The following NCOA3 variants were observed in gnomAD, a reference collection of about 807,000 sequenced individuals.
The protein encoded by NCOA3 is nuclear receptor coactivator 3.
In NCOA3, 51 loss-of-function variants were observed where a neutral mutation model predicts 158.8. The ratio of observed to expected loss-of-function variants is 0.32; its 90% CI spans 0.26 to 0.41. The LOEUF (loss-of-function observed/expected upper bound fraction) is 0.41. Ranked by LOEUF, NCOA3 falls within the 10% of genes least tolerant of loss-of-function variation. NCOA3 has a pLI of 1.00. For missense variants in NCOA3, 1,510 were observed against 1,746.6 expected (o/e 0.86, Z 2.41); for synonymous variants, 537 against 592.4 (o/e 0.91, Z 1.36).
intron 1 of NCOA3, among the ~76,000 whole-genome samples, chr20:47,523,618 C>T (rs1201438478): frequency 6.6e-6 from 1 of 152,128 alleles, no homozygotes; most frequent in Non-Finnish European, 1.5e-5. Context: ...TTTCCCTGAG[C>T]CTGTCAATAA....
intron 1 of NCOA3, among the ~76,000 whole-genome samples, chr20:47,547,327 A>T (rs542924952): frequency 6.8e-6 from 1 of 148,048 alleles, no homozygotes; most frequent in African/African-American, 2.5e-5. Flanking sequence ...GGGTCACAGC[A>T]TATCGTTTCT....
intron 1 of NCOA3, among the ~76,000 whole-genome samples, chr20:47,560,614 C>T (rs1423146462): frequency 6.6e-6 from 1 of 152,072 alleles, no homozygotes; most frequent in Non-Finnish European, 1.5e-5. Flanking sequence ...CGTAGTATCT[C>T]ATTGTTTTAA....
intron 2 of NCOA3, among the ~76,000 whole-genome samples, chr20:47,589,173 A>G (rs1311370965): frequency 6.6e-6 from 1 of 152,130 alleles, no homozygotes; most frequent in Non-Finnish European, 1.5e-5. Flanking sequence ...GGAGTAAGCT[A>G]CAGGTGTAAG....
In NCOA3 at chr20:47,649,030, T is replaced by C; in HGVS notation, c.3572T>C (p.Leu1191Pro). The change falls in exon 19 of 23, where the codon CTT (leucine) becomes CCT (proline). Residue 1191 changes from leucine to proline, a missense_variant. By Grantham distance (98) the Leu-to-Pro change is moderately conservative (BLOSUM62 -3). Coordinates refer to ENST00000371998, the MANE Select transcript of NCOA3 (RefSeq NM_181659.3). ...QQFLNQSRQA[L>P]ELKMENPTAG... ...TTTTTGAATCAGAGCCGACAGGCAC[T>C]TGAATTGAAAATGGAAAACCCTACT... is the stretch of plus-strand genomic sequence containing the variant. The C allele has an allele frequency of 1.9e-6, 3 of 1,613,928 alleles. No individual in the cohort carries two copies.
chr20:47,645,388 C>A (rs1261849376), intron 17 of NCOA3, among the ~76,000 whole-genome samples: 1 of 152,098 alleles, frequency 6.6e-6, no homozygotes, highest in East Asian at 1.9e-4. Flanking sequence ...ACTGGAGTCT[C>A]AATAGATCTG....
intron 17 of NCOA3, among the ~76,000 whole-genome samples, chr20:47,642,816 C>T (rs2086632110): frequency 6.6e-6 from 1 of 152,156 alleles, no homozygotes; most frequent in African/African-American, 2.4e-5. Context: ...AGCTGAACAT[C>T]CTAACATCAT....
intron 1 of NCOA3, among the ~76,000 whole-genome samples, chr20:47,515,473 TTTTTTTTTTTTTTTTTTC>T (rs1360106204): frequency 1.8e-5 from 2 of 111,824 alleles, no homozygotes; most frequent in Non-Finnish European, 3.9e-5. Flanking sequence ...TCTTTCTTTC[TTTTTTTTTTTTTTTTTTC>T]TTTTTTTTAA....
At chr20:47,647,674 G>T (rs939348492) in intron 18 of NCOA3, among the ~76,000 whole-genome samples, 2 of 151,952 alleles carry the variant, frequency 1.3e-5, no homozygotes, top group East Asian at 3.9e-4. Context: ...AATCCTTACT[G>T]CTAATAACCA....
chr20:47,636,640 T>G lies in NCOA3; in HGVS notation c.2254T>G (p.Ser752Ala). Residue 752 changes from serine (S) to alanine (A), a missense_variant, in exon 12 of 23, where the codon TCT (serine) becomes GCT (alanine). Ser to Ala is a moderately conservative substitution (Grantham distance 99, BLOSUM62 1). Coordinates refer to ENST00000371998, the MANE Select transcript of NCOA3 (RefSeq NM_181659.3). ...LDRDDPSDALSKELQPQVEGV... is the reference protein window; with the variant it reads ...LDRDDPSDALAKELQPQVEGV... ...CAGGGATGATCCTAGTGATGCACTC[T>G]CTAAAGAACTACAGCCCCAAGTGGA... is the stretch of plus-strand genomic sequence containing the variant. The G allele has an allele frequency of 6.2e-7, 1 of 1,614,194 alleles. No homozygotes were observed. Among genetic ancestry groups the G allele is most frequent in the Non-Finnish European group, 8.5e-7 (1 of 1,180,038 alleles).
chr20:47,619,419 C>T (rs1017810867), intron 2 of NCOA3, among the ~76,000 whole-genome samples: 4 of 151,744 alleles, frequency 2.6e-5, no homozygotes, highest in African/African-American at 7.3e-5. Context: ...CTGAGGCAGG[C>T]GGATAACTTG....
At chr20:47,635,230 GT>G in intron 10 of NCOA3, 91 bp from the exon 11 acceptor site, 1 of 1,326,238 alleles carries the variant, frequency 7.5e-7, no homozygotes, top group Non-Finnish European at 1.0e-6. Context: ...TAGCTGGCTG[GT>G]TTTTTAAAAT....
intron 1 of NCOA3, among the ~76,000 whole-genome samples, chr20:47,502,255 C>T (rs1335308464): frequency 2.0e-5 from 3 of 152,182 alleles, no homozygotes; most frequent in African/African-American, 7.2e-5. Flanking sequence ...AGCTGGGTGG[C>T]AGTCCGCTTG....
chr20:47,605,274 C>T lies in NCOA3; in HGVS notation c.-19-16955C>T, dbSNP rs576260185. Among the ~76,000 whole-genome samples the T allele has an allele frequency of 1.1e-3, 160 of 152,248 alleles. 1 individual carries two copies. The highest frequency in any genetic ancestry group is 3.7e-3 in the African/African-American group (154 of 41,552). ...TTGGTGTTCTTTTCTGTATGTCTCCCTGCCACCTATACCTCTGTTTTTGTT... is the reference window on the plus strand; with the variant it reads ...TTGGTGTTCTTTTCTGTATGTCTCCTTGCCACCTATACCTCTGTTTTTGTT... On this transcript the variant is annotated intron_variant, in intron 2 of 22. Transcript: ENST00000371998.
intron 12 of NCOA3, 106 bp downstream of exon 12, chr20:47,636,868 T>C: frequency 1.0e-6 from 1 of 999,146 alleles, no homozygotes; most frequent in South Asian, 2.0e-5. Flanking sequence ...GAAAGTTAAA[T>C]CTTTAGCTCT....
At chr20:47,630,052 G>A (rs1602511866) in intron 8 of NCOA3, among the ~76,000 whole-genome samples, 1 of 152,188 alleles carries the variant, frequency 6.6e-6, no homozygotes, top group Non-Finnish European at 1.5e-5. Context: ...TTCTGTCCCT[G>A]ATGTGTTTCA....
chr20:47,521,490 C>T (rs1194513401), intron 1 of NCOA3, among the ~76,000 whole-genome samples: 1 of 152,092 alleles, frequency 6.6e-6, no homozygotes, highest in African/African-American at 2.4e-5. Context: ...TGTGTCGTTC[C>T]CCTATTGGCT....
In NCOA3 at chr20:47,643,937, C is replaced by G. The variant is rs2086649001; in HGVS notation, c.3252+1553C>G. 2.0e-5 allele frequency among the ~76,000 whole-genome samples: 3 copies of G among 151,426 alleles called. No individual in the cohort carries two copies. In the Admixed American group the frequency reaches 2.0e-4, roughly 10 times the overall value. ...TATTCTCTTTGGAATGATTTAGGAA[C>G]TTTTTCTCTCCGAAATTTTATGATG... On this transcript the variant is annotated intron_variant, in intron 17 of 22. Coordinates refer to ENST00000371998, the MANE Select transcript of NCOA3 (RefSeq NM_181659.3).
intron 2 of NCOA3, among the ~76,000 whole-genome samples, chr20:47,597,482 CTT>C (rs772828107): frequency 1.8e-4 from 22 of 125,288 alleles, no homozygotes; most frequent in Non-Finnish European, 1.7e-4. Flanking sequence ...CTAACCTGTG[CTT>C]TTTTTTTTTT....
intron 1 of NCOA3, among the ~76,000 whole-genome samples, chr20:47,577,684 A>G: frequency 6.6e-6 from 1 of 152,212 alleles, no homozygotes; most frequent in East Asian, 1.9e-4. Context: ...GTGCCAGTGC[A>G]GTGCCTGATT....
Sources: allele counts gnomAD v4.1 joint callset (sites outside exome capture counted in the v4.1 genomes callset), GRCh38; gene constraint gnomAD v4.1.1; transcripts MANE v1.5; gene names NCBI Gene and HGNC (gene_info 2026-07-23, HGNC 2026-07-21).